RBFOX1: variants seen among roughly 807,000 people sequenced by gnomAD.
RBFOX1 encodes RNA binding fox-1 homolog 1, also known as RNA binding protein fox-1 homolog 1.
RBFOX1 carries 8 observed loss-of-function variants against 57.7 expected under a neutral mutation model. The observed-to-expected ratio is 0.14, with a 90% CI of 0.08 to 0.25. The LOEUF (loss-of-function observed/expected upper bound fraction) is 0.25, where lower values mean the gene tolerates loss of function less well. Among genes scored for constraint, RBFOX1 ranks in the 10% least tolerant of loss-of-function variants. The probability of loss-of-function intolerance (pLI) is 1.00; values close to 1 mark genes in which losing one functional copy is unlikely to be tolerated. For synonymous variants in RBFOX1, 326 were observed against 222.4 expected (o/e 1.47, Z -4.15); for missense variants, 611 against 548.5 (o/e 1.11, Z -1.14).
chr16:6,859,487 A>G (rs117615014), intron 3 of RBFOX1, among the ~76,000 whole-genome samples: 1 of 151,942 alleles, frequency 6.6e-6, no homozygotes, highest in Non-Finnish European at 1.5e-5. Flanking sequence ...CTCTTGTTCA[A>G]GTCTACTGCC....
chr16:7,533,334 C>G (rs1287606354), intron 5 of RBFOX1, among the ~76,000 whole-genome samples: 2 of 152,194 alleles, frequency 1.3e-5, no homozygotes, highest in African/African-American at 2.4e-5. Context: ...AATTTAGTGA[C>G]TGCCAGAGTT....
chr16:7,306,580 CGTGT>C (rs58761346), intron 4 of RBFOX1, among the ~76,000 whole-genome samples: 50 of 149,032 alleles, frequency 3.4e-4, no homozygotes, highest in Middle Eastern at 7.0e-3. Context: ...GAATGGTGTG[CGTGT>C]GTGTGTGTGT....
intron 4 of RBFOX1, among the ~76,000 whole-genome samples, chr16:7,413,539 C>A (rs932883144): frequency 1.7e-4 from 26 of 152,070 alleles, no homozygotes; most frequent in Non-Finnish European, 3.2e-4. Flanking sequence ...CCTCTGTCTC[C>A]TTGTAAGGCT....
chr16:7,441,847 A>G (rs1159871851), intron 4 of RBFOX1, among the ~76,000 whole-genome samples: 9 of 152,108 alleles, frequency 5.9e-5, no homozygotes, highest in Admixed American at 5.9e-4. Context: ...TTCACGATCC[A>G]CTGGCTGTCA....
At chr16:6,332,015 CT>C (rs2083098335) in intron 2 of RBFOX1, among the ~76,000 whole-genome samples, 1 of 152,140 alleles carries the variant, frequency 6.6e-6, no homozygotes, top group Admixed American at 6.5e-5. Flanking sequence ...CAAGCGATGC[CT>C]GCAGGAGATA....
At chr16:7,214,219 A>G (rs902688482) in intron 4 of RBFOX1, among the ~76,000 whole-genome samples, 5 of 152,040 alleles carry the variant, frequency 3.3e-5, no homozygotes, top group East Asian at 3.9e-4. Flanking sequence ...CACCCCTACA[A>G]TTTTCTGTGA....
At chr16:6,483,757 C>G (rs892839614) in intron 2 of RBFOX1, 12 of 1,419,366 alleles carry the variant, frequency 8.5e-6, no homozygotes, top group Admixed American at 5.5e-5. Context: ...GAGGAGCAGC[C>G]GTCAGCCGCT....
intron 3 of RBFOX1, among the ~76,000 whole-genome samples, chr16:5,640,252 C>G (rs778502184): frequency 1.3e-5 from 2 of 152,164 alleles, no homozygotes; most frequent in Non-Finnish European, 2.9e-5. Flanking sequence ...GGACATTTTG[C>G]AGGAGCGTTC....
intron 4 of RBFOX1, among the ~76,000 whole-genome samples, chr16:7,089,319 A>T (rs1179132740): frequency 6.6e-6 from 1 of 152,212 alleles, no homozygotes; most frequent in Admixed American, 6.5e-5. Flanking sequence ...CTATCTAACA[A>T]CACTGAATTC....
chr16:7,227,285 A>ACCCCCCC (rs1284183490), intron 4 of RBFOX1, among the ~76,000 whole-genome samples: 3 of 73,290 alleles, frequency 4.1e-5, no homozygotes, highest in Non-Finnish European at 6.8e-5. Flanking sequence ...CACACACCCC[A>ACCCCCCC]CCCCACCCCC....
Position 6,248,120 on chromosome 16 carries a change from GC to G in RBFOX1, c.-126-68873del, listed in dbSNP as rs568426043. 1.1e-4 allele frequency among the ~76,000 whole-genome samples: 16 copies of G among 152,244 alleles called. No homozygotes were observed. In the East Asian group the frequency reaches 2.3e-3, roughly 22 times the overall value. ...CTCTTTTATTCCTTCCATAATAGGAGCCAGTGTACCAGAAGAGGCTGACCTT... is the reference window on the plus strand; with the variant it reads ...CTCTTTTATTCCTTCCATAATAGGAGCAGTGTACCAGAAGAGGCTGACCTT... On this transcript the variant is annotated intron_variant, in intron 1 of 15. Coordinates refer to ENST00000550418, the MANE Select transcript of RBFOX1 (RefSeq NM_018723.4).
At chr16:6,475,569 A>T (rs949698679) in intron 2 of RBFOX1, among the ~76,000 whole-genome samples, 3 of 152,194 alleles carry the variant, frequency 2.0e-5, no homozygotes, top group African/African-American at 4.8e-5. Context: ...TTCATTTAGA[A>T]ATGTAACCAC....
chr16:5,891,913 G>A (rs559184972), intron 4 of RBFOX1, among the ~76,000 whole-genome samples: 13 of 152,200 alleles, frequency 8.5e-5, no homozygotes, highest in East Asian at 3.8e-4. Context: ...GACTAAAGCC[G>A]CTTCCTCAGT....
chr16:6,445,235 T>TA (rs1567290160), intron 2 of RBFOX1, among the ~76,000 whole-genome samples: 2 of 151,320 alleles, frequency 1.3e-5, no homozygotes, highest in African/African-American at 4.8e-5. Context: ...TCCTTTTTTT[T>TA]ATATATATAA....
At chr16:7,056,783 C>G (rs935022174) in intron 4 of RBFOX1, among the ~76,000 whole-genome samples, 1 of 152,074 alleles carries the variant, frequency 6.6e-6, no homozygotes, top group Non-Finnish European at 1.5e-5. Context: ...ACTAGGTAGC[C>G]AAATGCATGA....
intron 12 of RBFOX1, among the ~76,000 whole-genome samples, chr16:7,663,188 C>T (rs556402694): frequency 6.6e-5 from 10 of 152,320 alleles, no homozygotes; most frequent in African/African-American, 2.4e-4. Flanking sequence ...TCTGACCCCC[C>T]AACCGACATT....
intron 2 of RBFOX1, among the ~76,000 whole-genome samples, chr16:5,537,329 C>T (rs1381779869): frequency 6.6e-6 from 1 of 152,182 alleles, no homozygotes; most frequent in Non-Finnish European, 1.5e-5. Flanking sequence ...GTTACAGCAG[C>T]ACATCACTTC....
intron 3 of RBFOX1, among the ~76,000 whole-genome samples, chr16:6,816,885 A>C (rs1043742083): frequency 3.3e-5 from 5 of 152,088 alleles, no homozygotes; most frequent in African/African-American, 1.2e-4. Flanking sequence ...GTTGGGACTA[A>C]AGGTAAATAC....
chr16:6,726,143 C>A (rs1383112875), intron 3 of RBFOX1, among the ~76,000 whole-genome samples: 1 of 152,076 alleles, frequency 6.6e-6, no homozygotes, highest in African/African-American at 2.4e-5. Flanking sequence ...CAGTAAATTT[C>A]CTTTTTTACT....
Sources: allele counts gnomAD v4.1 joint callset (sites outside exome capture counted in the v4.1 genomes callset), GRCh38; gene constraint gnomAD v4.1.1; transcripts MANE v1.5; gene names NCBI Gene and HGNC (gene_info 2026-07-23, HGNC 2026-07-21).